STRIP1: variants seen among roughly 807,000 people sequenced by gnomAD.
STRIP1 encodes the protein striatin-interacting protein 1.
STRIP1 carries 63 observed loss-of-function variants against 106.2 expected under a neutral mutation model. The ratio of observed to expected loss-of-function variants is 0.59; its 90% CI spans 0.48 to 0.73. The LOEUF (loss-of-function observed/expected upper bound fraction) is 0.73, where lower values mean the gene tolerates loss of function less well. STRIP1 is among the 30% of genes least tolerant of loss of function. The pLI is 0.00. For missense variants in STRIP1, 857 were observed against 1,074.8 expected, an observed-to-expected ratio of 0.80 and a Z score of 2.83; for synonymous variants, 390 against 413.0, an observed-to-expected ratio of 0.94 and a Z score of 0.67.
intron 2 of STRIP1, 107 bp from the exon 3 acceptor site, chr1:110,038,574 CAG>C (rs748646163): frequency 1.5e-4 from 122 of 801,728 alleles, no homozygotes; most frequent in Non-Finnish European, 2.1e-4. Context: ...CACTATGACT[CAG>C]GGGCAGAGTT....
chr1:110,039,508 G>A lies in STRIP1; in HGVS notation c.574G>A (p.Glu192Lys), dbSNP rs1413031403. The change falls in exon 5 of 21, where the codon GAA (glutamate) becomes AAA (lysine). Residue 192 changes from glutamate to lysine, a missense_variant. Physicochemically the swap from Glu to Lys is moderately conservative, Grantham distance 56. This residue lies in a region of STRIP1 where 750 missense variants were observed against 989.8 expected (regional missense o/e 0.76). Transcript: ENST00000369795. Reference sequence around the variant, plus strand: ...TGCTTTGGTGGAGCTTCTGAACATGGAAATAGAGTGAGCATTTTTGAGAGG... The same window carrying A: ...TGCTTTGGTGGAGCTTCTGAACATGAAAATAGAGTGAGCATTTTTGAGAGG... ...FNALVELLNM[E>K]IDNSAACSSA... is the part of the protein sequence containing the mutation. The A allele has an allele frequency of 6.2e-7, 1 of 1,600,798 alleles. No individual in the cohort carries two copies. Among genetic ancestry groups the A allele is most frequent in the East Asian group, 2.2e-5 (1 of 44,550 alleles).
At chr1:110,039,968 A>G (rs752110152) in intron 5 of STRIP1, 1 of 1,147,360 alleles carries the variant, frequency 8.7e-7, no homozygotes, top group Non-Finnish European at 1.2e-6. Flanking sequence ...GGATAACACC[A>G]TCAATGATAA....
chr1:110,034,919 C>T (rs1346220547), intron 1 of STRIP1, 102 bp downstream of exon 1: 5 of 1,147,144 alleles, frequency 4.4e-6, no homozygotes, highest in South Asian at 2.0e-5. Context: ...CCGGAGGGCT[C>T]GGTAGAGTCC....
chr1:110,037,090 C>G (rs1362959448), intron 1 of STRIP1, among the ~76,000 whole-genome samples: 1 of 152,156 alleles, frequency 6.6e-6, no homozygotes, highest in Non-Finnish European at 1.5e-5. Context: ...CCACCTCGGC[C>G]TCCCAAAGTG....
upstream of STRIP1, chr1:110,034,560 A>C (rs914085327): frequency 1.1e-4 from 151 of 1,436,080 alleles, no homozygotes; most frequent in Non-Finnish European, 1.2e-4. Context: ...GGCCAGGGAA[A>C]TTTCCTGGAG....
chr1:110,037,626 A>G (rs1037055748), intron 1 of STRIP1, among the ~76,000 whole-genome samples: 3 of 152,232 alleles, frequency 2.0e-5, no homozygotes, highest in Non-Finnish European at 4.4e-5. Context: ...ATCATTGGTA[A>G]GTTAAATGGA....
rs901191547 is a variant in STRIP1 at position 110,037,086 on chromosome 1, C to T, written c.181-805C>T. On this transcript the variant is annotated intron_variant, in intron 1 of 20. Transcript: ENST00000369795. ...CTGACCTCAAATGACCCGCCCACCT[C>T]GGCCTCCCAAAGTGCTGGGATTATA... Among the ~76,000 whole-genome samples, 11 of 152,160 alleles carry T rather than the reference C, an allele frequency of 7.2e-5. No individual in the cohort carries two copies. The East Asian group carries it at 1.7e-3, about 24-fold the overall frequency.
chr1:110,050,951 T>C lies in STRIP1; in HGVS notation c.1957-5T>C, dbSNP rs373888083. On this transcript the variant is annotated splice_polypyrimidine_tract_variant and splice_region_variant and intron_variant, in intron 18 of 20. Coordinates refer to ENST00000369795, the MANE Select transcript of STRIP1 (RefSeq NM_033088.4). ...GGGCTGATTGTTCCTGGGTTTACCC[T>C]GCAGGAAGCAGGTGACAGTAACCAA... The C allele has an allele frequency of 3.2e-6, 5 of 1,565,322 alleles. No individual in the cohort carries two copies. Among genetic ancestry groups the C allele is most frequent in the Non-Finnish European group, 4.4e-6 (5 of 1,135,622 alleles).
At chr1:110,036,927 G>A (rs545559161) in intron 1 of STRIP1, among the ~76,000 whole-genome samples, 25 of 152,222 alleles carry the variant, frequency 1.6e-4, no homozygotes, top group Middle Eastern at 6.8e-3. Flanking sequence ...GGGCTCAAGC[G>A]ATTCTCCTGC....
chr1:110,040,169 T>G (rs770534755), intron 5 of STRIP1, among the ~76,000 whole-genome samples: 4 of 151,868 alleles, frequency 2.6e-5, no homozygotes, highest in African/African-American at 9.7e-5. Flanking sequence ...GTTTTTGTTT[T>G]TGTGTTTTTT....
chr1:110,047,580 C>G lies in STRIP1; in HGVS notation c.1527C>G (p.Leu509=), dbSNP rs749414052. 18 of 1,611,820 alleles carry G rather than the reference C, an allele frequency of 1.1e-5. No individual in the cohort carries two copies. Among genetic ancestry groups the G allele is most frequent in the Non-Finnish European group, 1.5e-5 (18 of 1,179,038 alleles). ...TTGAGCAAGTCCCTGCAGAAACCCT[C>G]TACCAAGGCTTGCTCCCCAGCCTGC... ...EEVEQVPAET[L]YQGLLPSLPQ... Residue 509 remains leucine, a synonymous_variant, in exon 14 of 21, where the codon CTC becomes CTG. Coordinates refer to ENST00000369795, the MANE Select transcript of STRIP1 (RefSeq NM_033088.4).
upstream of STRIP1, among the ~76,000 whole-genome samples, chr1:110,033,916 C>T (rs1487654817): frequency 6.6e-6 from 1 of 152,238 alleles, no homozygotes; most frequent in African/African-American, 2.4e-5. Context: ...CCTCATCCTG[C>T]TCTTTGGTTA....
chr1:110,041,324 T>G, intron 6 of STRIP1: 1 of 510,862 alleles, frequency 2.0e-6, no homozygotes, highest in Non-Finnish European at 3.5e-6. Context: ...CTGTTCTGCT[T>G]TGACCCTACA....
intron 10 of STRIP1, among the ~76,000 whole-genome samples, chr1:110,044,632 C>T (rs1044114664): frequency 1.3e-5 from 2 of 152,164 alleles, no homozygotes; most frequent in African/African-American, 2.4e-5. Context: ...ACATGTATTT[C>T]CAGGTTACTG....
chr1:110,051,758 G>T lies in STRIP1; in HGVS notation c.2137G>T (p.Val713Leu), dbSNP rs954509221. The change falls in exon 20 of 21, where the codon GTG becomes TTG. Residue 713 changes from valine to leucine, a missense_variant. Around this residue, in one of 2 missense-constraint regions of STRIP1, gnomAD observed 750 missense variants for 989.8 expected, o/e 0.76. Transcript: ENST00000369795. Reference sequence around the variant, plus strand: ...GAAACAAGCCATGATGCAGCTCTATGTGCTGAAGCTGCTCAAGGTACAGAC... The same window carrying T: ...GAAACAAGCCATGATGCAGCTCTATTTGCTGAAGCTGCTCAAGGTACAGAC... ...KVKQAMMQLY[V>L]LKLLKVQTKY... is the part of the protein sequence containing the mutation. 8.7e-6 allele frequency: 14 copies of T among 1,613,772 alleles called. No individual in the cohort carries two copies. The highest frequency in any genetic ancestry group is 1.2e-5 in the Non-Finnish European group (14 of 1,180,036).
chr1:110,032,453 T>G (rs1652238222), upstream of STRIP1, among the ~76,000 whole-genome samples: 1 of 152,186 alleles, frequency 6.6e-6, no homozygotes, highest in African/African-American at 2.4e-5. Context: ...GAGACAAAGA[T>G]GGATAAAATG....
At position 110,039,417 on chromosome 1, in the gene STRIP1, G is replaced by T; in HGVS notation, c.483G>T (p.Ser161=). 2 of 1,614,106 alleles carry T rather than the reference G, an allele frequency of 1.2e-6. No individual in the cohort carries two copies. The highest frequency in any genetic ancestry group is 2.2e-5 in the South Asian group (2 of 91,036). ...CAGGCACGTTTGGGGAGTGCAGCTC[G>T]GAGGCAGAGGTGCAGTCCTGGATGC... ...VAQGTFGECS[S]EAEVQSWMRY... is the part of the protein sequence containing the mutation. The change falls in exon 5 of 21, where the codon TCG becomes TCT. Residue 161 remains serine, a synonymous_variant. Transcript: ENST00000369795.
rs760966929 is a variant in STRIP1, at chr1:110,041,734, G to C, written c.758G>C (p.Gly253Ala). ...TMRQTFRAELGSPLYNNEPFA... is the reference protein window; with the variant it reads ...TMRQTFRAELASPLYNNEPFA... ...CCTGATACCTTTGTGTCACCTCCAGGCTCCCCGCTGTACAACAATGAGCCA... is the reference window on the plus strand; with the variant it reads ...CCTGATACCTTTGTGTCACCTCCAGCCTCCCCGCTGTACAACAATGAGCCA... Residue 253 changes from glycine (G) to alanine (A), a missense_variant and splice_region_variant, in exon 8 of 21, where the codon GGC becomes GCC. Coordinates refer to ENST00000369795, the MANE Select transcript of STRIP1 (RefSeq NM_033088.4). 6.2e-7 allele frequency: 1 copy of C among 1,614,102 alleles called. No homozygotes were observed. The highest frequency in any genetic ancestry group is 8.5e-7 in the Non-Finnish European group (1 of 1,180,024).
chr1:110,035,541 T>C (rs1652409773), intron 1 of STRIP1, among the ~76,000 whole-genome samples: 1 of 152,176 alleles, frequency 6.6e-6, no homozygotes. Context: ...GTTCTGGAGA[T>C]GGCATAGTCT....
Sources: allele counts gnomAD v4.1 joint callset (sites outside exome capture counted in the v4.1 genomes callset), GRCh38; gene constraint gnomAD v4.1.1; regional missense constraint gnomAD v4.1.1; transcripts MANE v1.5; gene names NCBI Gene and HGNC (gene_info 2026-07-23, HGNC 2026-07-21).